The following PTBP2 variants were observed in gnomAD, a reference collection of about 807,000 sequenced individuals.
PTBP2 encodes the protein polypyrimidine tract-binding protein 2.
In PTBP2, 13 loss-of-function variants were observed where a neutral mutation model predicts 61.4. That is an observed-to-expected ratio of 0.21 (90% CI 0.14 to 0.34). PTBP2 has a LOEUF of 0.34. Ranked by LOEUF, PTBP2 falls within the 10% of genes least tolerant of loss-of-function variation. The probability of loss-of-function intolerance (pLI) is 1.00; values close to 1 mark genes in which losing one functional copy is unlikely to be tolerated. For missense variants in PTBP2, 405 were observed against 642.6 expected, an observed-to-expected ratio of 0.63 and a Z score of 4.00; for synonymous variants, 215 against 218.5, an observed-to-expected ratio of 0.98 and a Z score of 0.14.
At chr1:96,778,529 A>G (rs1311298808) in intron 7 of PTBP2, among the ~76,000 whole-genome samples, 2 of 152,040 alleles carry the variant, frequency 1.3e-5, no homozygotes, top group Non-Finnish European at 2.9e-5. Context: ...AAAACTGCGC[A>G]CCACATCTTT....
chr1:96,751,658 GAA>G (rs35745353), intron 3 of PTBP2, among the ~76,000 whole-genome samples, 158 bp downstream of exon 3: 9 of 143,210 alleles, frequency 6.3e-5, no homozygotes, highest in African/African-American at 1.0e-4. Context: ...GAGCCGAGTG[GAA>G]AAAAAAAAAA....
At chr1:96,725,461 G>A (rs1429267980) in intron 2 of PTBP2, among the ~76,000 whole-genome samples, 2 of 151,798 alleles carry the variant, frequency 1.3e-5, no homozygotes, top group African/African-American at 4.8e-5. Context: ...CACCACGCCC[G>A]GCTAATTTTT....
intron 2 of PTBP2, among the ~76,000 whole-genome samples, chr1:96,732,791 G>T (rs370254785): frequency 6.6e-6 from 1 of 152,260 alleles, no homozygotes; most frequent in African/African-American, 2.4e-5. Context: ...AACCAAAGTT[G>T]TGTCTATAGG....
intron 5 of PTBP2, 64 bp from the exon 6 acceptor site, chr1:96,777,520 TA>T: frequency 7.1e-7 from 1 of 1,417,830 alleles, no homozygotes; most frequent in Non-Finnish European, 9.5e-7. Context: ...ACTAGTAGTG[TA>T]ACAGGTTGCA....
At chr1:96,809,338 GAA>G (rs1358571106) in intron 11 of PTBP2, among the ~76,000 whole-genome samples, 1 of 152,068 alleles carries the variant, frequency 6.6e-6, no homozygotes, top group Non-Finnish European at 1.5e-5. Context: ...GAACATTTTT[GAA>G]AAATCAGTCA....
At chr1:96,736,155 G>A (rs555931120) in intron 2 of PTBP2, among the ~76,000 whole-genome samples, 87 of 152,064 alleles carry the variant, frequency 5.7e-4, no homozygotes, top group Non-Finnish European at 1.1e-3. Context: ...TTTGAAACAC[G>A]TCATTCTGCC....
chr1:96,774,150 C>T (rs1222675875), intron 5 of PTBP2, among the ~76,000 whole-genome samples: 1 of 151,308 alleles, frequency 6.6e-6, no homozygotes, highest in Non-Finnish European at 1.5e-5. Context: ...AATTCTGGTT[C>T]CTTTAAGGGA....
chr1:96,749,615 A>T, intron 2 of PTBP2: 1 of 455,662 alleles, frequency 2.2e-6, no homozygotes, highest in East Asian at 6.9e-5. Flanking sequence ...TTGATTTTGT[A>T]TGTGGAGTAA....
At chr1:96,798,248 A>G (rs573564268) in intron 8 of PTBP2, among the ~76,000 whole-genome samples, 23 of 149,736 alleles carry the variant, frequency 1.5e-4, no homozygotes, top group African/African-American at 5.4e-4. Context: ...TCTACTAAAA[A>G]TACAAATATT....
downstream of PTBP2, chr1:96,819,905 A>G (rs1429561733): frequency 6.6e-6 from 1 of 151,946 alleles, no homozygotes; most frequent in Non-Finnish European, 1.5e-5. Flanking sequence ...GTAGAATTCT[A>G]AAATGTGATT....
intron 8 of PTBP2, among the ~76,000 whole-genome samples, chr1:96,791,276 G>C (rs932587753): frequency 2.0e-5 from 3 of 152,208 alleles, no homozygotes; most frequent in Non-Finnish European, 4.4e-5. Context: ...TGAGGTAATA[G>C]AGCAATACCC....
At position 96,721,784 on chromosome 1, in the gene PTBP2, A is replaced by T; in HGVS notation, c.-81A>T. 1.9e-6 allele frequency: 3 copies of T among 1,541,114 alleles called. No homozygotes were observed. Among genetic ancestry groups the T allele is most frequent in the Non-Finnish European group, 2.6e-6 (3 of 1,140,046 alleles). On this transcript the variant is annotated 5_prime_UTR_variant, in exon 1 of 14. Coordinates refer to ENST00000674951, the MANE Select transcript of PTBP2 (RefSeq NM_021190.4). ...CCTTCGGCAATTTCCGTCGGGCCCC[A>T]GCCGCCATTTTCTCGCCGCTTGTGT...
chr1:96,727,681 T>C (rs1431589553), intron 2 of PTBP2, among the ~76,000 whole-genome samples: 1 of 152,222 alleles, frequency 6.6e-6, no homozygotes, highest in African/African-American at 2.4e-5. Flanking sequence ...TTTTGTCAGC[T>C]GTTATCTTTG....
chr1:96,756,923 A>G (rs984429506), intron 3 of PTBP2, among the ~76,000 whole-genome samples: 10 of 152,150 alleles, frequency 6.6e-5, no homozygotes, highest in African/African-American at 2.2e-4. Flanking sequence ...GGAGGTAACT[A>G]CAGACTTTGA....
At chr1:96,750,973 T>C (rs1300992962) in intron 2 of PTBP2, among the ~76,000 whole-genome samples, 2 of 152,080 alleles carry the variant, frequency 1.3e-5, no homozygotes, top group African/African-American at 2.4e-5. Flanking sequence ...AGTATATACC[T>C]GTTTAATTTT....
Position 96,751,494 on chromosome 1 carries a change from G to A in PTBP2, c.109G>A (p.Val37Ile), listed in dbSNP as rs780153937. ...SPNSNMSSMVVTANGNDSKKF... is the reference protein window; with the variant it reads ...SPNSNMSSMVITANGNDSKKF... ...GAACTCTAATATGAGCAGCATGGTA[G>A]TTACAGGTAAGTGTTACTCTCTTAG... Residue 37 changes from valine to isoleucine, a missense_variant, in exon 3 of 14, where the codon GTT (valine) becomes ATT (isoleucine). Coordinates refer to ENST00000674951, the MANE Select transcript of PTBP2 (RefSeq NM_021190.4). The A allele has an allele frequency of 6.2e-7, 1 of 1,611,466 alleles. No homozygotes were observed.
rs562915218 is a variant in PTBP2 at position 96,773,941 on chromosome 1, C to T, written c.432+3090C>T. Among the ~76,000 whole-genome samples, 15 of 140,386 alleles carry T rather than the reference C, an allele frequency of 1.1e-4. No homozygotes were observed. The East Asian group carries it at 2.7e-3, about 26-fold the overall frequency. 92.1% of individuals were successfully genotyped at this position (140,386 alleles called of 152,430 possible). A position where few individuals can be genotyped will look rare whatever the true frequency, so the allele number is the denominator to read the frequency against. On this transcript the variant is annotated intron_variant, in intron 5 of 13. Coordinates refer to ENST00000674951, the MANE Select transcript of PTBP2 (RefSeq NM_021190.4). ...TCGCGCCACTGCACTTCAGCCTGGGCGACAGAGCGAGACTCTGTCTCAAAA... is the reference window on the plus strand; with the variant it reads ...TCGCGCCACTGCACTTCAGCCTGGGTGACAGAGCGAGACTCTGTCTCAAAA...
At chr1:96,750,502 A>G (rs949095695) in intron 2 of PTBP2, among the ~76,000 whole-genome samples, 2 of 151,920 alleles carry the variant, frequency 1.3e-5, no homozygotes, top group Admixed American at 6.6e-5. Flanking sequence ...GTTGTAATAC[A>G]GTTTATTCAT....
intron 2 of PTBP2, among the ~76,000 whole-genome samples, chr1:96,750,363 A>G (rs907916017): frequency 9.2e-5 from 14 of 151,638 alleles, no homozygotes; most frequent in African/African-American, 1.2e-4. Flanking sequence ...TACAGTATCA[A>G]TGTGGCTTGA....
Sources: gnomAD v4.1 joint callset for allele counts (sites outside exome capture counted in the v4.1 genomes callset) on GRCh38, gnomAD v4.1.1 for gene constraint, MANE v1.5 for transcripts, NCBI Gene and HGNC (gene_info 2026-07-23, HGNC 2026-07-21) for gene names.